The following ROCK1 variants were observed in gnomAD, a reference collection of about 807,000 sequenced individuals.
ROCK1 encodes the protein rho-associated protein kinase 1.
ROCK1 carries 36 observed loss-of-function variants against 196.8 expected under a neutral mutation model. The ratio of observed to expected loss-of-function variants is 0.18; its 90% CI spans 0.14 to 0.24. The LOEUF is 0.24. Among genes scored for constraint, ROCK1 ranks in the 10% least tolerant of loss-of-function variants. The probability of loss-of-function intolerance (pLI) is 1.00; values close to 1 mark genes in which losing one functional copy is unlikely to be tolerated. For synonymous variants in ROCK1, 443 were observed against 515.9 expected (o/e 0.86, Z 1.91); for missense variants, 920 against 1,562.0 (o/e 0.59, Z 6.93).
intron 29 of ROCK1, among the ~76,000 whole-genome samples, chr18:20,959,040 AAT>A (rs1376289380): frequency 3.5e-5 from 2 of 57,426 alleles, no homozygotes; most frequent in Non-Finnish European, 5.2e-5. Flanking sequence ...TATTTTATAT[AAT>A]ATATAATATA....
intron 2 of ROCK1, among the ~76,000 whole-genome samples, chr18:21,059,089 A>T (rs996262843): frequency 1.1e-4 from 16 of 152,124 alleles, no homozygotes; most frequent in African/African-American, 3.1e-4. Flanking sequence ...ATGGCAAAAA[A>T]ATATATATAT....
At chr18:21,045,504 T>C in intron 4 of ROCK1, 37 bp from the exon 5 acceptor site, 1 of 1,459,468 alleles carries the variant, frequency 6.9e-7, no homozygotes. Context: ...ACACATTCAT[T>C]AATGTTAAAC....
At chr18:20,973,478 G>A (rs564717340) in intron 22 of ROCK1, among the ~76,000 whole-genome samples, 29 of 151,426 alleles carry the variant, frequency 1.9e-4, no homozygotes, top group African/African-American at 6.1e-4. Context: ...GGGTTTCACC[G>A]TGTTAGCCAG....
intron 1 of ROCK1, among the ~76,000 whole-genome samples, chr18:21,092,598 A>AAT (rs2036580666): frequency 6.6e-6 from 1 of 151,738 alleles, no homozygotes; most frequent in African/African-American, 2.4e-5. Flanking sequence ...AAAAAAAAAA[A>AAT]AAAAAACCAA....
chr18:21,100,496 G>A (rs2036649937), intron 1 of ROCK1, among the ~76,000 whole-genome samples: 1 of 150,794 alleles, frequency 6.6e-6, no homozygotes, highest in Non-Finnish European at 1.5e-5. Context: ...GCCAAAGACA[G>A]GACAAACTGA....
At chr18:21,001,226 TA>T (rs1458231692) in intron 16 of ROCK1, among the ~76,000 whole-genome samples, 1 of 152,058 alleles carries the variant, frequency 6.6e-6, no homozygotes, top group African/African-American at 2.4e-5. Context: ...CCAGAACGGG[TA>T]AATTCAGAGA....
rs1030460953 is a variant in ROCK1, at chr18:20,951,055, A to T, written c.*329T>A. ...AAAGTCCCTTCCTCTTACTCATATGAGGAAAACTCTGTTCTATCACGACTG... is the reference window on the plus strand; with the variant it reads ...AAAGTCCCTTCCTCTTACTCATATGTGGAAAACTCTGTTCTATCACGACTG... On this transcript the variant is annotated 3_prime_UTR_variant, in exon 33 of 33. Coordinates refer to ENST00000399799, the MANE Select transcript of ROCK1 (RefSeq NM_005406.3). 4.4e-6 allele frequency: 1 copy of T among 229,842 alleles called. No homozygotes were observed. Among genetic ancestry groups the T allele is most frequent in the Non-Finnish European group, 8.4e-6 (1 of 118,834 alleles). The allele number at this position is 229,842 out of a possible 1,614,324, so 14.2% of individuals were successfully genotyped here.
intron 13 of ROCK1, among the ~76,000 whole-genome samples, chr18:21,011,064 T>C (rs1167310287): frequency 2.6e-5 from 4 of 152,220 alleles, no homozygotes; most frequent in South Asian, 2.1e-4. Context: ...CCTATATTGT[T>C]ATATTTGAAG....
chr18:21,060,145 C>T (rs1224102171), intron 2 of ROCK1, among the ~76,000 whole-genome samples: 3 of 152,168 alleles, frequency 2.0e-5, no homozygotes, highest in Admixed American at 6.5e-5. Flanking sequence ...AATACACATA[C>T]ACCCAAAAAG....
At position 21,006,691 on chromosome 18, in the gene ROCK1, A is replaced by G. The variant is rs1236760624; in HGVS notation, c.1638+8T>C. On this transcript the variant is annotated splice_region_variant and intron_variant, in intron 15 of 32. Coordinates refer to ENST00000399799, the MANE Select transcript of ROCK1 (RefSeq NM_005406.3). ...TTTTTAAAAAGGAACCTCATTTGAA[A>G]CACTTACCTGCTTTTGTAACTGGGA... 7 of 1,589,802 alleles carry G rather than the reference A, an allele frequency of 4.4e-6. No individual in the cohort carries two copies. The African/African-American group carries it at 5.5e-5, about 12-fold the overall frequency.
chr18:20,978,720 C>G (rs546503717), intron 22 of ROCK1, among the ~76,000 whole-genome samples: 49 of 152,226 alleles, frequency 3.2e-4, no homozygotes, highest in African/African-American at 1.2e-3. Context: ...ACAAAAAAAT[C>G]CAGTTTCTTC....
chr18:21,045,896 G>A (rs2036151678), intron 4 of ROCK1, among the ~76,000 whole-genome samples: 1 of 126,702 alleles, frequency 7.9e-6, no homozygotes, highest in African/African-American at 3.4e-5. Flanking sequence ...TACAGTTTCA[G>A]CTGTTTTTTT....
At chr18:21,082,528 T>A (rs2036491344) in intron 1 of ROCK1, among the ~76,000 whole-genome samples, 1 of 152,070 alleles carries the variant, frequency 6.6e-6, no homozygotes, top group Non-Finnish European at 1.5e-5. Flanking sequence ...TGATTTAACA[T>A]ACAAAAATAT....
At chr18:20,971,464 A>C (rs2035427542) in intron 22 of ROCK1, among the ~76,000 whole-genome samples, 3 of 151,862 alleles carry the variant, frequency 2.0e-5, no homozygotes. Flanking sequence ...GCAGGCCGGA[A>C]GCAGTGGCTC....
chr18:21,105,998 A>T (rs1279840827), intron 1 of ROCK1, among the ~76,000 whole-genome samples: 1 of 152,162 alleles, frequency 6.6e-6, no homozygotes, highest in Non-Finnish European at 1.5e-5. Flanking sequence ...AAACTCAAAG[A>T]CTAACACCAG....
chr18:20,988,718 A>AC (rs889906689), intron 18 of ROCK1, among the ~76,000 whole-genome samples: 32 of 152,014 alleles, frequency 2.1e-4, no homozygotes, highest in African/African-American at 7.5e-4. Context: ...CTTCCTCAGA[A>AC]CCCCCATCCA....
At chr18:21,051,935 TAGA>T (rs1016628588) in intron 2 of ROCK1, among the ~76,000 whole-genome samples, 1 of 152,176 alleles carries the variant, frequency 6.6e-6, no homozygotes. Context: ...AGGAAATACG[TAGA>T]AGATGAGTTC....
chr18:21,036,294 T>C (rs1414145183), intron 9 of ROCK1, among the ~76,000 whole-genome samples: 4 of 152,166 alleles, frequency 2.6e-5, no homozygotes, highest in Non-Finnish European at 4.4e-5. Flanking sequence ...GTGTACACAA[T>C]GAGTTTTGAG....
chr18:21,069,841 A>C (rs202182308), intron 2 of ROCK1, among the ~76,000 whole-genome samples: 1 of 152,176 alleles, frequency 6.6e-6, no homozygotes, highest in Non-Finnish European at 1.5e-5. Context: ...ATATTCAAAA[A>C]CGAAAATAAA....
Sources: allele counts gnomAD v4.1 joint callset (sites outside exome capture counted in the v4.1 genomes callset), GRCh38; gene constraint gnomAD v4.1.1; transcripts MANE v1.5; gene names NCBI Gene and HGNC (gene_info 2026-07-23, HGNC 2026-07-21).